The following PDE4D variants were observed in gnomAD, a reference collection of about 807,000 sequenced individuals.
PDE4D encodes 3',5'-cyclic-AMP phosphodiesterase 4D.
A neutral mutation model predicts 87.4 loss-of-function variants in PDE4D; 24 were observed. The ratio of observed to expected loss-of-function variants is 0.27; its 90% CI spans 0.20 to 0.39. The LOEUF (loss-of-function observed/expected upper bound fraction) is 0.39. Ranked by LOEUF, PDE4D falls within the 10% of genes least tolerant of loss-of-function variation. The pLI is 1.00. For synonymous variants in PDE4D, 384 were observed against 383.2 expected, an observed-to-expected ratio of 1.00 and a Z score of -0.02; for missense variants, 714 against 1,041.0, an observed-to-expected ratio of 0.69 and a Z score of 4.32.
intron 1 of PDE4D, among the ~76,000 whole-genome samples, chr5:60,459,139 C>A (rs1180375888): frequency 6.6e-6 from 1 of 152,104 alleles, no homozygotes; most frequent in Non-Finnish European, 1.5e-5. Flanking sequence ...AACAAAATTA[C>A]AATAGAGAAA....
chr5:60,001,547 A>G (rs1351296828), intron 2 of PDE4D, among the ~76,000 whole-genome samples: 3 of 152,188 alleles, frequency 2.0e-5, no homozygotes, highest in Admixed American at 6.5e-5. Flanking sequence ...ACATAAATAC[A>G]TATATAAGTA....
In PDE4D at chr5:59,799,362, C is replaced by G. The variant is rs572101629; in HGVS notation, c.455+93806G>C. ...GGGAAATTGAAGAAAGTGAAACAAA[C>G]AGTAAAACCACATGGGAAGAATTCC... On this transcript the variant is annotated intron_variant, in intron 1 of 14. Transcript: ENST00000340635. Among the ~76,000 whole-genome samples the G allele has an allele frequency of 6.6e-5, 10 of 152,266 alleles. No homozygotes were observed. In the South Asian group the frequency reaches 2.1e-3, roughly 32 times the overall value.
intron 1 of PDE4D, among the ~76,000 whole-genome samples, chr5:59,656,525 T>A (rs916059263): frequency 6.6e-6 from 1 of 152,186 alleles, no homozygotes; most frequent in African/African-American, 2.4e-5. Flanking sequence ...TTATAGCCAA[T>A]GACACAGATC....
intron 1 of PDE4D, among the ~76,000 whole-genome samples, chr5:59,877,511 A>C (rs1463626355): frequency 2.0e-5 from 3 of 150,232 alleles, no homozygotes; most frequent in Non-Finnish European, 4.4e-5. Flanking sequence ...GAAGAAGAAC[A>C]AAAAAAAAGC....
intron 2 of PDE4D, among the ~76,000 whole-genome samples, chr5:60,016,793 A>G (rs909603803): frequency 2.0e-5 from 3 of 152,156 alleles, no homozygotes; most frequent in South Asian, 2.1e-4. Context: ...TGAAACTTTC[A>G]AAGTCATCAT....
intron 1 of PDE4D, among the ~76,000 whole-genome samples, chr5:59,409,437 T>C (rs1435184780): frequency 2.0e-5 from 3 of 152,138 alleles, no homozygotes; most frequent in Admixed American, 6.5e-5. Flanking sequence ...CCAAATCTCA[T>C]ATTGGGATGT....
chr5:60,094,765 TG>T (rs1775495943), intron 2 of PDE4D, among the ~76,000 whole-genome samples: 1 of 152,082 alleles, frequency 6.6e-6, no homozygotes, highest in African/African-American at 2.4e-5. Flanking sequence ...TCAACGCTAC[TG>T]GCACCTTGAT....
chr5:58,997,830 TA>T (rs1749582774), intron 6 of PDE4D, among the ~76,000 whole-genome samples: 1 of 152,152 alleles, frequency 6.6e-6, no homozygotes, highest in Non-Finnish European at 1.5e-5. Flanking sequence ...TTCTTCAATT[TA>T]CATTAGGCAT....
intron 1 of PDE4D, among the ~76,000 whole-genome samples, chr5:59,891,572 A>G (rs1489668564): frequency 1.3e-5 from 2 of 152,184 alleles, no homozygotes; most frequent in Admixed American, 1.3e-4. Flanking sequence ...AATTTATGGA[A>G]GTCTGCAGTC....
chr5:59,348,336 T>A (rs1210135858), intron 1 of PDE4D, among the ~76,000 whole-genome samples: 1 of 152,136 alleles, frequency 6.6e-6, no homozygotes, highest in Non-Finnish European at 1.5e-5. Flanking sequence ...ACTATGTCTA[T>A]GTATCTCTTG....
At chr5:60,338,591 T>G (rs1366284768) in intron 1 of PDE4D, among the ~76,000 whole-genome samples, 2 of 152,102 alleles carry the variant, frequency 1.3e-5, no homozygotes, top group South Asian at 4.1e-4. Flanking sequence ...ACACACGACA[T>G]GTCCATGTGA....
chr5:59,894,354 G>A (rs1266035688), upstream of PDE4D, among the ~76,000 whole-genome samples: 1 of 152,230 alleles, frequency 6.6e-6, no homozygotes, highest in African/African-American at 2.4e-5. Context: ...AATGTGACCA[G>A]GCAAAGTTGC....
chr5:59,340,920 C>G (rs772836084), intron 1 of PDE4D, among the ~76,000 whole-genome samples: 2 of 152,000 alleles, frequency 1.3e-5, no homozygotes, highest in African/African-American at 4.8e-5. Context: ...TTTTCTTTAT[C>G]CGTTAATTGG....
intron 1 of PDE4D, among the ~76,000 whole-genome samples, chr5:59,579,336 T>C (rs1391785123): frequency 1.3e-5 from 2 of 152,158 alleles, no homozygotes; most frequent in African/African-American, 2.4e-5. Flanking sequence ...CTCAGTGTGT[T>C]CCACCTGTTC....
intron 1 of PDE4D, among the ~76,000 whole-genome samples, chr5:60,465,125 A>AAAAT (rs888935995): frequency 1.3e-5 from 2 of 151,928 alleles, no homozygotes; most frequent in African/African-American, 4.8e-5. Context: ...TAAATAAATA[A>AAAAT]AAATAAATAA....
At chr5:59,521,969 GT>G (rs1329703048) in intron 1 of PDE4D, among the ~76,000 whole-genome samples, 7 of 152,036 alleles carry the variant, frequency 4.6e-5, no homozygotes, top group Admixed American at 4.6e-4. Flanking sequence ...GAATGAAAGG[GT>G]TTTTACACTA....
intron 1 of PDE4D, among the ~76,000 whole-genome samples, chr5:60,473,994 C>T (rs192494004): frequency 2.7e-4 from 40 of 149,472 alleles, no homozygotes; most frequent in Non-Finnish European, 4.5e-4. Flanking sequence ...TAATTTGAAT[C>T]CTATTCTTTC....
At chr5:59,724,719 A>C (rs918577903) in intron 1 of PDE4D, among the ~76,000 whole-genome samples, 3 of 152,106 alleles carry the variant, frequency 2.0e-5, no homozygotes, top group African/African-American at 7.2e-5. Context: ...TAATGAAATG[A>C]CACATAGGGC....
Position 59,172,001 on chromosome 5 carries a change from TAATAAATATATATTATA to T in PDE4D, c.808+8577_808+8593del, listed in dbSNP as rs1561622089. On this transcript the variant is annotated intron_variant, in intron 5 of 14. Transcript: ENST00000340635. ...ATATAATAAATATATATTATATATATAATAAATATATATTATATATATAATAAATATATATTATATAT... is the reference window on the plus strand; with the variant it reads ...ATATAATAAATATATATTATATATATTATATAATAAATATATATTATATAT... Among the ~76,000 whole-genome samples, 37 of 72,822 alleles carry T rather than the reference TAATAAATATATATTATA, an allele frequency of 5.1e-4. 1 individual carries two copies. The highest frequency in any genetic ancestry group is 2.0e-3 in the African/African-American group (31 of 15,232). The allele number at this position is 72,822 out of a possible 152,430, so 47.8% of individuals were successfully genotyped here. A position where few individuals can be genotyped will look rare whatever the true frequency, so the allele number is the denominator to read the frequency against.
Sources: gnomAD v4.1 joint callset for allele counts (sites outside exome capture counted in the v4.1 genomes callset) on GRCh38, gnomAD v4.1.1 for gene constraint, MANE v1.5 for transcripts, NCBI Gene and HGNC (gene_info 2026-07-23, HGNC 2026-07-21) for gene names.